BARX2: variants seen among roughly 807,000 people sequenced by gnomAD.
The protein encoded by BARX2 is homeobox protein BarH-like 2.
BARX2 carries 11 observed loss-of-function variants against 25.5 expected under a neutral mutation model. The observed-to-expected ratio is 0.43, with a 90% CI of 0.27 to 0.71. The LOEUF is 0.71. Among genes scored for constraint, BARX2 ranks in the 30% least tolerant of loss-of-function variants. The probability of loss-of-function intolerance (pLI) is 0.19; values close to 1 mark genes in which losing one functional copy is unlikely to be tolerated. For missense variants in BARX2, 360 were observed against 359.9 expected, an observed-to-expected ratio of 1.00 and a Z score of 0.00; for synonymous variants, 137 against 149.5, an observed-to-expected ratio of 0.92 and a Z score of 0.61.
chr11:129,432,116 G>A (rs985948658), intron 1 of BARX2, among the ~76,000 whole-genome samples: 1 of 151,952 alleles, frequency 6.6e-6, no homozygotes, highest in Non-Finnish European at 1.5e-5. Flanking sequence ...TGTTATGAGT[G>A]CAGTGGCATG....
rs1015280134 is a variant in BARX2, at chr11:129,421,342, G to A, written c.188-15409G>A. On this transcript the variant is annotated intron_variant, in intron 1 of 3. Coordinates refer to ENST00000281437, the MANE Select transcript of BARX2 (RefSeq NM_003658.5). ...CTTAACAGCTTAAATAAAAGAGAAA[G>A]GGAGAGGAACTCTCATTCTATCCAA... Among the ~76,000 whole-genome samples, 6 of 152,272 alleles carry A rather than the reference G, an allele frequency of 3.9e-5. No individual in the cohort carries two copies. In the South Asian group the frequency reaches 8.3e-4, roughly 21 times the overall value.
chr11:129,425,784 T>C (rs765030062), intron 1 of BARX2, among the ~76,000 whole-genome samples: 1 of 152,208 alleles, frequency 6.6e-6, no homozygotes, highest in Non-Finnish European at 1.5e-5. Context: ...GTCCTTTGCT[T>C]ATTTTCCAAA....
At chr11:129,391,633 A>G (rs1388803824) in intron 1 of BARX2, among the ~76,000 whole-genome samples, 1 of 152,080 alleles carries the variant, frequency 6.6e-6, no homozygotes, top group Non-Finnish European at 1.5e-5. Flanking sequence ...CGACAGTGGG[A>G]GTTTAGTGGG....
Position 129,390,638 on chromosome 11 carries a change from A to G in BARX2, c.187+14416A>G, listed in dbSNP as rs1342355044. 6.6e-6 allele frequency among the ~76,000 whole-genome samples: 1 copy of G among 152,174 alleles called. No individual in the cohort carries two copies. Among genetic ancestry groups the G allele is most frequent in the Admixed American group, 6.5e-5 (1 of 15,276 alleles). ...GCTTACTCAGCATTTGTTGTCTCCA[A>G]GAGAAAAACAAATTGAAAAATGAGA... On this transcript the variant is annotated intron_variant, in intron 1 of 3. Coordinates refer to ENST00000281437, the MANE Select transcript of BARX2 (RefSeq NM_003658.5). The surrounding 1 kb of genome is among the most constrained non-coding windows in gnomAD (Gnocchi z 4.3).
chr11:129,445,673 T>C (rs961346360), intron 3 of BARX2, among the ~76,000 whole-genome samples: 5 of 152,290 alleles, frequency 3.3e-5, no homozygotes, highest in Middle Eastern at 3.4e-3. Flanking sequence ...GATGCAAAGA[T>C]AAGACATGAG....
chr11:129,433,986 T>C (rs1565520479), intron 1 of BARX2, among the ~76,000 whole-genome samples: 1 of 152,176 alleles, frequency 6.6e-6, no homozygotes, highest in South Asian at 2.1e-4. Flanking sequence ...CATGGCTGGA[T>C]TGAATGCAGG....
At chr11:129,392,217 C>T (rs370274800) in intron 1 of BARX2, among the ~76,000 whole-genome samples, 1 of 152,206 alleles carries the variant, frequency 6.6e-6, no homozygotes, top group Non-Finnish European at 1.5e-5. Flanking sequence ...TGAGGCTTTG[C>T]GTCTCCAAGG....
intron 1 of BARX2, among the ~76,000 whole-genome samples, chr11:129,426,504 C>T (rs746251251): frequency 7.2e-5 from 11 of 152,072 alleles, no homozygotes; most frequent in Non-Finnish European, 4.4e-5. Flanking sequence ...TCACAAGTAG[C>T]TGGGATTACA....
At chr11:129,446,605 G>A (rs1056273118) in intron 3 of BARX2, among the ~76,000 whole-genome samples, 1 of 152,100 alleles carries the variant, frequency 6.6e-6, no homozygotes, top group Non-Finnish European at 1.5e-5. Flanking sequence ...TGTCTTCAGA[G>A]AATCCAAATA....
chr11:129,445,824 C>T (rs552262175), intron 3 of BARX2, among the ~76,000 whole-genome samples: 1 of 152,232 alleles, frequency 6.6e-6, no homozygotes, highest in South Asian at 2.1e-4. Flanking sequence ...AGTGGAATAG[C>T]AAGGCTGTGT....
chr11:129,406,891 T>TA (rs909363615), intron 1 of BARX2, among the ~76,000 whole-genome samples: 2 of 152,288 alleles, frequency 1.3e-5, no homozygotes, highest in African/African-American at 2.4e-5. Context: ...AAAATCAGGT[T>TA]AAAAAAATGC....
intron 1 of BARX2, among the ~76,000 whole-genome samples, chr11:129,381,887 C>T (rs1861567836): frequency 6.6e-6 from 1 of 152,146 alleles, no homozygotes; most frequent in Admixed American, 6.6e-5. Context: ...CAGCATTCCT[C>T]CGAAGGGCTG....
chr11:129,377,329 G>A (rs560844261), intron 1 of BARX2, among the ~76,000 whole-genome samples: 39 of 152,304 alleles, frequency 2.6e-4, no homozygotes, highest in African/African-American at 8.9e-4. Flanking sequence ...TGGTTCCATT[G>A]ATAGTCCCTA....
chr11:129,376,126 C>T lies in BARX2; in HGVS notation c.91C>T (p.Leu31Phe), dbSNP rs781258767. Residue 31 changes from leucine to phenylalanine, a missense_variant, in exon 1 of 4, where the codon CTC (leucine) becomes TTC (phenylalanine). Transcript: ENST00000281437. The surrounding 1 kb of genome is among the most constrained non-coding windows in gnomAD (Gnocchi z 4.2). ...RYKTFMIDEI[L>F]SKETCDYFEK... ...CAAGACTTTCATGATCGACGAGATCCTCTCCAAGGAGACCTGCGATTACTT... is the reference window on the plus strand; with the variant it reads ...CAAGACTTTCATGATCGACGAGATCTTCTCCAAGGAGACCTGCGATTACTT... 6.2e-7 allele frequency: 1 copy of T among 1,613,458 alleles called. No homozygotes were observed. Among genetic ancestry groups the T allele is most frequent in the Non-Finnish European group, 8.5e-7 (1 of 1,179,682 alleles).
At chr11:129,422,875 G>A (rs995904168) in intron 1 of BARX2, among the ~76,000 whole-genome samples, 6 of 151,638 alleles carry the variant, frequency 4.0e-5, no homozygotes, top group African/African-American at 9.7e-5. Context: ...AGCTAATTTT[G>A]TATTTTTAAT....
At chr11:129,375,593 G>A (rs563678751), upstream of BARX2, among the ~76,000 whole-genome samples, 210 of 152,188 alleles carry the variant, frequency 1.4e-3, 2 homozygotes, top group African/African-American at 4.9e-3. This position sits in a 1 kb window ranked among gnomAD's most constrained non-coding sequence, Gnocchi z 4.0. Flanking sequence ...GTCCCGGGGG[G>A]GAGGGGGAGG....
chr11:129,419,248 G>A (rs1156470041), intron 1 of BARX2, among the ~76,000 whole-genome samples: 1 of 152,180 alleles, frequency 6.6e-6, no homozygotes, highest in Admixed American at 6.5e-5. Flanking sequence ...ATTCTTCAAT[G>A]TTTATGTAGT....
chr11:129,385,599 TA>T (rs1010075388), intron 1 of BARX2, among the ~76,000 whole-genome samples: 1 of 152,188 alleles, frequency 6.6e-6, no homozygotes, highest in African/African-American at 2.4e-5. Context: ...AAACTAATAC[TA>T]CATATTGTTT....
At chr11:129,419,119 G>C (rs988255623) in intron 1 of BARX2, among the ~76,000 whole-genome samples, 1 of 152,182 alleles carries the variant, frequency 6.6e-6, no homozygotes, top group Non-Finnish European at 1.5e-5. Context: ...GTGTTGGGGG[G>C]TGTCCTGTCC....
Sources: gnomAD v4.1 joint callset for allele counts (sites outside exome capture counted in the v4.1 genomes callset) on GRCh38, gnomAD v4.1.1 for gene constraint, Gnocchi (gnomAD v3.1) non-coding constraint, MANE v1.5 for transcripts, NCBI Gene and HGNC (gene_info 2026-07-23, HGNC 2026-07-21) for gene names.